COA8: variants seen among roughly 807,000 people sequenced by gnomAD.
COA8 encodes the protein cytochrome c oxidase assembly factor 8.
In COA8, 20 loss-of-function variants were observed where a neutral mutation model predicts 22.0. That is an observed-to-expected ratio of 0.91 (90% CI 0.64 to 1.32). COA8 has a LOEUF of 1.32. Ranked by LOEUF, COA8 falls within the 40% of genes most tolerant of loss-of-function variation. The pLI is 0.00. For synonymous variants in COA8, 105 were observed against 79.9 expected (o/e 1.31, Z -1.68); for missense variants, 266 against 230.0 (o/e 1.16, Z -1.01).
chr14:103,563,211 A>T, intron 1 of COA8, 87 bp downstream of exon 1: 1 of 1,493,856 alleles, frequency 6.7e-7, no homozygotes, highest in Non-Finnish European at 9.0e-7. Flanking sequence ...CCTGTTCTGC[A>T]CAGCCGCCTC....
At chr14:103,576,424 G>A (rs969847317) in intron 3 of COA8, among the ~76,000 whole-genome samples, 11 of 152,174 alleles carry the variant, frequency 7.2e-5, no homozygotes, top group Admixed American at 6.5e-4. Context: ...GAATGATACC[G>A]TCCTGAGCTT....
At chr14:103,568,292 G>A (rs1163924485) in intron 1 of COA8, among the ~76,000 whole-genome samples, 2 of 152,286 alleles carry the variant, frequency 1.3e-5, no homozygotes, top group African/African-American at 4.8e-5. Flanking sequence ...GGGTGGGAGT[G>A]CTCCTTGGTG....
intron 3 of COA8, among the ~76,000 whole-genome samples, chr14:103,584,072 C>T (rs925808617): frequency 6.6e-6 from 1 of 152,154 alleles, no homozygotes. Flanking sequence ...AGGTCTCACT[C>T]TGTCGCCCAG....
At chr14:103,571,119 C>A (rs1043343261) in intron 1 of COA8, among the ~76,000 whole-genome samples, 13 of 152,186 alleles carry the variant, frequency 8.5e-5, no homozygotes, top group African/African-American at 3.1e-4. Context: ...AGACTCCTCA[C>A]CTCCTCCTAG....
chr14:103,564,394 C>T lies in COA8; in HGVS notation c.123+1270C>T, dbSNP rs533828856. Among the ~76,000 whole-genome samples, 18 of 152,192 alleles carry T rather than the reference C, an allele frequency of 1.2e-4. No individual in the cohort carries two copies. The South Asian group carries it at 3.7e-3, about 32-fold the overall frequency. ...TAGAACATAGAAACCCACCCAGCAT[C>T]TCTATCTTTGGGCAGAAAGATAGAG... On this transcript the variant is annotated intron_variant, in intron 1 of 4. Transcript: ENST00000409074.
chr14:103,590,376 T>C lies in COA8; in HGVS notation c.*90T>C. The C allele has an allele frequency of 7.9e-7, 1 of 1,268,758 alleles. No homozygotes were observed. Among genetic ancestry groups the C allele is most frequent in the Non-Finnish European group, 1.1e-6 (1 of 903,292 alleles). The allele number at this position is 1,268,758 out of a possible 1,614,324, so 78.6% of individuals were successfully genotyped here. ...GGGCTCTGAGAAAAACTGGAGCTGA[T>C]CTCAAGAAGCCCCACATCTTCCTAA... is the stretch of plus-strand genomic sequence containing the variant. On this transcript the variant is annotated 3_prime_UTR_variant, in exon 5 of 5. Transcript: ENST00000409074.
Position 103,574,103 on chromosome 14 carries a change from T to TTTTTG in COA8, c.322-4_322-3insTTTTG. ...CTTTTTTTTTTTTTTTTTTTTTTTT[T>TTTTTG]AAGGAAAAAGAAGAATTTATTCACT... On this transcript the variant is annotated splice_region_variant and splice_polypyrimidine_tract_variant and intron_variant, in intron 2 of 4. Coordinates refer to ENST00000409074, the MANE Select transcript of COA8 (RefSeq NM_001370595.2). The TTTTTG allele has an allele frequency of 1.3e-6, 2 of 1,484,214 alleles. No homozygotes were observed. Among genetic ancestry groups the TTTTTG allele is most frequent in the Non-Finnish European group, 9.0e-7 (1 of 1,115,532 alleles). 91.9% of individuals were successfully genotyped at this position (1,484,214 alleles called of 1,614,324 possible).
intron 1 of COA8, among the ~76,000 whole-genome samples, chr14:103,564,480 G>A (rs938415168): frequency 6.6e-6 from 1 of 151,888 alleles, no homozygotes; most frequent in Admixed American, 6.6e-5. Flanking sequence ...TTTCCCGGGC[G>A]GGGGGGATTT....
intron 1 of COA8, among the ~76,000 whole-genome samples, chr14:103,564,110 G>T (rs990108868): frequency 5.3e-5 from 8 of 151,562 alleles, no homozygotes. Flanking sequence ...TCGAGATCGC[G>T]CCACTGCACT....
chr14:103,566,605 T>C (rs1218532890), intron 1 of COA8, among the ~76,000 whole-genome samples: 2 of 152,222 alleles, frequency 1.3e-5, no homozygotes, highest in East Asian at 3.8e-4. Flanking sequence ...CAGAAATGAA[T>C]GTGTGTGCCT....
intron 4 of COA8, among the ~76,000 whole-genome samples, chr14:103,588,466 T>C (rs2076327038): frequency 7.2e-6 from 1 of 138,416 alleles, no homozygotes; most frequent in Admixed American, 7.1e-5. Flanking sequence ...AATAAATAAG[T>C]AAGTAATTAA....
At chr14:103,588,116 C>CAAAAAAAAA (rs1221577064) in intron 4 of COA8, 3 of 64,646 alleles carry the variant, frequency 4.6e-5, no homozygotes, top group East Asian at 2.3e-4. Context: ...AACTCCATCT[C>CAAAAAAAAA]AAAAAAAAAA....
intron 4 of COA8, 36 bp from the exon 5 acceptor site, chr14:103,590,145 C>A: frequency 6.3e-7 from 1 of 1,584,434 alleles, no homozygotes; most frequent in Non-Finnish European, 8.7e-7. Context: ...CAGTCCCTGC[C>A]ACCGTGTCAC....
intron 3 of COA8, among the ~76,000 whole-genome samples, chr14:103,583,612 T>TTAA (rs1318228399): frequency 3.3e-5 from 5 of 151,592 alleles, no homozygotes; most frequent in Admixed American, 3.3e-4. Flanking sequence ...TCTTCTCTAA[T>TTAA]TCCACTTCTC....
chr14:103,576,691 C>G (rs2076232877), intron 3 of COA8, among the ~76,000 whole-genome samples: 1 of 152,236 alleles, frequency 6.6e-6, no homozygotes, highest in South Asian at 2.1e-4. Context: ...CTTTCTCTGC[C>G]TCCTTGTTTA....
chr14:103,570,701 C>A (rs2076177372), intron 1 of COA8, among the ~76,000 whole-genome samples: 1 of 152,206 alleles, frequency 6.6e-6, no homozygotes, highest in African/African-American at 2.4e-5. Flanking sequence ...CCACTGCACT[C>A]TAGCCTGGGC....
intron 1 of COA8, among the ~76,000 whole-genome samples, chr14:103,571,359 ACT>A (rs2076182932): frequency 6.6e-6 from 1 of 150,866 alleles, no homozygotes; most frequent in South Asian, 2.1e-4. Context: ...ACAGAGTGAG[ACT>A]CTGTCTCAAA....
intron 2 of COA8, among the ~76,000 whole-genome samples, chr14:103,573,477 A>G (rs1282104065): frequency 2.0e-5 from 3 of 152,002 alleles, no homozygotes; most frequent in Admixed American, 2.0e-4. Flanking sequence ...GGCAACATTT[A>G]AACTTTGACT....
intron 3 of COA8, among the ~76,000 whole-genome samples, chr14:103,584,963 C>A (rs530475325): frequency 3.4e-4 from 52 of 151,112 alleles, no homozygotes; most frequent in African/African-American, 1.3e-3. Flanking sequence ...TGTGGTGAAA[C>A]CCCGTCTTTA....
Sources: allele counts gnomAD v4.1 joint callset (sites outside exome capture counted in the v4.1 genomes callset), GRCh38; gene constraint gnomAD v4.1.1; transcripts MANE v1.5; gene names NCBI Gene and HGNC (gene_info 2026-07-23, HGNC 2026-07-21).